The following RPH3AL variants were observed in gnomAD, a reference collection of about 807,000 sequenced individuals.
RPH3AL encodes rab effector Noc2.
Under a neutral mutation model 43.1 loss-of-function variants are expected in RPH3AL, and 38 were observed. The ratio of observed to expected loss-of-function variants is 0.88; its 90% CI spans 0.68 to 1.15. The LOEUF is 1.15. Among genes scored for constraint, RPH3AL ranks in the 50% most tolerant of loss-of-function variants. RPH3AL has a pLI of 0.00. For synonymous variants in RPH3AL, 189 were observed against 176.3 expected (o/e 1.07, Z -0.57); for missense variants, 462 against 423.2 (o/e 1.09, Z -0.81).
chr17:319,410 AG>A lies in RPH3AL; in HGVS notation c.351+9del, dbSNP rs756062023. ...GAAGCCAGAATGACAGGGCCAGAGC[AG>A]GGTCTTACCTTCCTGCAGTCTTTGC... is the stretch of plus-strand genomic sequence containing the variant. On this transcript the variant is annotated intron_variant, in intron 5 of 9. Transcript: ENST00000331302. The A allele has an allele frequency of 6.3e-4, 1,018 of 1,610,772 alleles. 1 individual carries two copies. Among genetic ancestry groups the A allele is most frequent in the Non-Finnish European group, 6.6e-4 (783 of 1,179,226 alleles).
At chr17:250,761 G>C (rs549196637) in intron 6 of RPH3AL, among the ~76,000 whole-genome samples, 1 of 148,004 alleles carries the variant, frequency 6.8e-6, no homozygotes, top group Admixed American at 6.7e-5. Flanking sequence ...CCTTTACCAA[G>C]CTCTGCCACT....
chr17:343,652 G>T (rs1431726378), intron 1 of RPH3AL, among the ~76,000 whole-genome samples: 1 of 152,168 alleles, frequency 6.6e-6, no homozygotes, highest in African/African-American at 2.4e-5. Flanking sequence ...CGGTGGTTCT[G>T]AATCGGAGTG....
At chr17:300,004 GCCTA>G (rs2043283228) in intron 5 of RPH3AL, among the ~76,000 whole-genome samples, 1 of 91,588 alleles carries the variant, frequency 1.1e-5, no homozygotes, top group Non-Finnish European at 2.6e-5. Flanking sequence ...GGCTGGCCCA[GCCTA>G]GGCCTGCAGA....
At chr17:337,924 C>T (rs1450172692) in intron 1 of RPH3AL, among the ~76,000 whole-genome samples, 1 of 152,228 alleles carries the variant, frequency 6.6e-6, no homozygotes, top group Non-Finnish European at 1.5e-5. Flanking sequence ...AATCCCTGCT[C>T]GTCTCTTCAT....
intron 2 of RPH3AL, chr17:332,190 C>T (rs1460039836): frequency 9.4e-6 from 3 of 319,580 alleles, no homozygotes; most frequent in East Asian, 8.0e-5. Flanking sequence ...TGGCCACTTC[C>T]TCCGTAAACT....
At chr17:349,674 T>G (rs1410679437) in intron 1 of RPH3AL, among the ~76,000 whole-genome samples, 1 of 152,150 alleles carries the variant, frequency 6.6e-6, no homozygotes, top group Non-Finnish European at 1.5e-5. Context: ...AACTTTTTAA[T>G]AAAAATAAAT....
At chr17:238,663 C>T (rs2041459296) in intron 7 of RPH3AL, among the ~76,000 whole-genome samples, 1 of 152,196 alleles carries the variant, frequency 6.6e-6, no homozygotes, top group South Asian at 2.1e-4. Context: ...TTCCTCTGAG[C>T]TTCGTATTTT....
intron 5 of RPH3AL, among the ~76,000 whole-genome samples, chr17:307,036 G>A (rs547783355): frequency 4.6e-5 from 7 of 152,132 alleles, no homozygotes; most frequent in Non-Finnish European, 8.8e-5. Flanking sequence ...TCTGCAGCCC[G>A]GGGGCCTCCC....
At chr17:317,521 C>T (rs74192827) in intron 5 of RPH3AL, among the ~76,000 whole-genome samples, 3,842 of 152,018 alleles carry the variant, frequency 0.025, 77 homozygotes, top group East Asian at 0.076. Context: ...GCCCCCACCT[C>T]CATTGACCTG....
intron 5 of RPH3AL, among the ~76,000 whole-genome samples, chr17:309,374 G>C (rs556007884): frequency 2.0e-5 from 3 of 152,252 alleles, no homozygotes; most frequent in African/African-American, 7.2e-5. Flanking sequence ...GGAAGCTGAA[G>C]CCTTAGGAAA....
intron 7 of RPH3AL, among the ~76,000 whole-genome samples, chr17:244,726 C>T (rs1008691082): frequency 6.6e-6 from 1 of 152,166 alleles, no homozygotes; most frequent in Non-Finnish European, 1.5e-5. Flanking sequence ...CTGCCCTCCT[C>T]GCCCATGAAA....
chr17:341,402 G>A, intron 1 of RPH3AL: 1 of 152,128 alleles, frequency 6.6e-6, no homozygotes, highest in East Asian at 1.9e-4. Context: ...CCATACGACG[G>A]AGAAAGAACA....
chr17:318,839 T>C (rs1360731462), intron 5 of RPH3AL, among the ~76,000 whole-genome samples: 1 of 152,188 alleles, frequency 6.6e-6, no homozygotes, highest in Non-Finnish European at 1.5e-5. Flanking sequence ...TAACCAGGGA[T>C]CAAGAGAAGC....
At chr17:331,607 C>T (rs924749434) in intron 2 of RPH3AL, 4 of 1,286,588 alleles carry the variant, frequency 3.1e-6, no homozygotes. Flanking sequence ...AGGAAACTGC[C>T]CACGGAGCCA....
intron 6 of RPH3AL, among the ~76,000 whole-genome samples, chr17:253,953 C>T (rs2041997668): frequency 8.7e-5 from 1 of 11,558 alleles, no homozygotes; most frequent in African/African-American, 3.3e-4. Context: ...CGTGACTACC[C>T]TACGTACTTC....
chr17:328,248 G>A lies in RPH3AL; in HGVS notation c.-36-669C>T. On this transcript the variant is annotated intron_variant, in intron 2 of 9. Transcript: ENST00000331302. This position sits in a 1 kb window ranked among gnomAD's most constrained non-coding sequence, Gnocchi z 4.2. Reference sequence around the variant, plus strand: ...CCCCTGAGGGCTTCACCTGTGCACTGTCTAGTGTGCCGGCTTTCTCCCTGC... The same window carrying A: ...CCCCTGAGGGCTTCACCTGTGCACTATCTAGTGTGCCGGCTTTCTCCCTGC... Among the ~76,000 whole-genome samples, 1 of 151,660 alleles carries A rather than the reference G, an allele frequency of 6.6e-6. No individual in the cohort carries two copies. Among genetic ancestry groups the A allele is most frequent in the East Asian group, 1.9e-4 (1 of 5,176 alleles).
At chr17:233,072 T>C (rs898298357) in intron 7 of RPH3AL, among the ~76,000 whole-genome samples, 1 of 151,858 alleles carries the variant, frequency 6.6e-6, no homozygotes, top group Non-Finnish European at 1.5e-5. Context: ...TGAGCGCTTA[T>C]CAAAGCATAG....
chr17:289,059 G>A lies in RPH3AL; in HGVS notation c.352-7205C>T, dbSNP rs577042890. Reference sequence around the variant, plus strand: ...GGGGGTTCCCCAGGGACCTGCCCACGGGACACAGGCTTTGGGGCAGGAGAG... The same window carrying A: ...GGGGGTTCCCCAGGGACCTGCCCACAGGACACAGGCTTTGGGGCAGGAGAG... On this transcript the variant is annotated intron_variant, in intron 5 of 9. Coordinates refer to ENST00000331302, the MANE Select transcript of RPH3AL (RefSeq NM_006987.4). This position sits in a 1 kb window ranked among gnomAD's most constrained non-coding sequence, Gnocchi z 5.2. Among the ~76,000 whole-genome samples the A allele has an allele frequency of 1.4e-4, 22 of 152,226 alleles. No individual in the cohort carries two copies. Among genetic ancestry groups the A allele is most frequent in the Non-Finnish European group, 2.5e-4 (17 of 68,012 alleles).
intron 7 of RPH3AL, among the ~76,000 whole-genome samples, chr17:230,517 C>T (rs1056573293): frequency 6.6e-6 from 1 of 152,170 alleles, no homozygotes; most frequent in African/African-American, 2.4e-5. Flanking sequence ...GCCAGGCATC[C>T]TGGACAGAGA....
Sources: allele counts gnomAD v4.1 joint callset (sites outside exome capture counted in the v4.1 genomes callset), GRCh38; gene constraint gnomAD v4.1.1; non-coding constraint Gnocchi (gnomAD v3.1); transcripts MANE v1.5; gene names NCBI Gene and HGNC (gene_info 2026-07-23, HGNC 2026-07-21).